Variants in CLIP1 observed in about 807,000 individuals in gnomAD.
CLIP1 encodes the protein CAP-Gly domain-containing linker protein 1.
CLIP1 carries 66 observed loss-of-function variants against 161.6 expected under a neutral mutation model. The ratio of observed to expected loss-of-function variants is 0.41; its 90% confidence interval spans 0.33 to 0.50. CLIP1 has a LOEUF of 0.50. CLIP1 is among the 20% of genes least tolerant of loss of function. The pLI, the probability that CLIP1 is intolerant of heterozygous loss-of-function variation, is 0.27. For synonymous variants in CLIP1, 598 were observed against 626.2 expected (o/e 0.96, Z 0.67); for missense variants, 1,376 against 1,702.0 (o/e 0.81, Z 3.37).
intron 7 of CLIP1, among the ~76,000 whole-genome samples, chr12:122,354,090 G>C (rs776735266): frequency 2.0e-5 from 3 of 151,936 alleles, no homozygotes; most frequent in Non-Finnish European, 4.4e-5. Context: ...ATTTTCTTCT[G>C]AGGTCATTGA....
At chr12:122,421,926 A>G (rs974405122) in intron 1 of CLIP1, among the ~76,000 whole-genome samples, 4 of 152,236 alleles carry the variant, frequency 2.6e-5, no homozygotes, top group African/African-American at 9.6e-5. Context: ...GAAACCCGAG[A>G]GCGATCTGGC....
At chr12:122,393,574 G>A (rs1955761564) in intron 1 of CLIP1, among the ~76,000 whole-genome samples, 1 of 152,176 alleles carries the variant, frequency 6.6e-6, no homozygotes, top group Non-Finnish European at 1.5e-5. Flanking sequence ...CATACACCTA[G>A]TGGACCCATA....
intron 15 of CLIP1, among the ~76,000 whole-genome samples, chr12:122,331,069 C>T (rs1384573645): frequency 6.6e-6 from 1 of 151,554 alleles, no homozygotes; most frequent in Non-Finnish European, 1.5e-5. Context: ...GGCTGGAGTG[C>T]AATGGCACTA....
At chr12:122,320,220 T>C (rs1951436141) in intron 17 of CLIP1, among the ~76,000 whole-genome samples, 1 of 150,630 alleles carries the variant, frequency 6.6e-6, no homozygotes, top group Admixed American at 6.6e-5. Flanking sequence ...TGAGCTGAGA[T>C]TGCGCCACTG....
At chr12:122,407,748 CAAAAAAAAAA>C (rs35500806) in intron 1 of CLIP1, among the ~76,000 whole-genome samples, 2 of 38,336 alleles carry the variant, frequency 5.2e-5, no homozygotes, top group African/African-American at 1.4e-4. Flanking sequence ...GACCCTGTCT[CAAAAAAAAAA>C]AAAAAAAAAA....
At chr12:122,345,667 G>C (rs1952713939) in intron 10 of CLIP1, among the ~76,000 whole-genome samples, 1 of 152,128 alleles carries the variant, frequency 6.6e-6, no homozygotes, top group Admixed American at 6.5e-5. Context: ...TTTGATTAGA[G>C]ACAGAGTAAT....
intron 4 of CLIP1, among the ~76,000 whole-genome samples, chr12:122,362,091 C>T (rs1315947079): frequency 1.3e-5 from 2 of 151,378 alleles, no homozygotes; most frequent in African/African-American, 2.4e-5. Flanking sequence ...GTAGCTGGGA[C>T]TACAGGCACA....
chr12:122,328,066 G>C lies in CLIP1; in HGVS notation c.3130C>G (p.Leu1044Val). The C allele has an allele frequency of 1.2e-6, 2 of 1,614,152 alleles. No individual in the cohort carries two copies. The highest frequency in any genetic ancestry group is 1.3e-5 in the African/African-American group (1 of 75,026). ...AGCAGCGTCTTCTGGAGGTTCTGTA[G>C]GATTTCTTCATGCTTGGTTTTTGTC... ...SETKTKHEEI[L>V]QNLQKTLLDT... The change falls in exon 17 of 26, where the codon CTA (leucine) becomes GTA (valine). Residue 1044 changes from leucine to valine, a missense_variant. Physicochemically the swap from Leu to Val is conservative, Grantham distance 32. Around this residue, in one of 6 missense-constraint regions of CLIP1, gnomAD observed 948 missense variants for 1,134.8 expected, o/e 0.84. Transcript: ENST00000620786.
intron 18 of CLIP1, among the ~76,000 whole-genome samples, chr12:122,317,195 T>G (rs746610526): frequency 5.3e-5 from 8 of 152,198 alleles, no homozygotes; most frequent in Non-Finnish European, 1.0e-4. Context: ...AGAAATAAAA[T>G]GCAAAGCAAT....
intron 1 of CLIP1, among the ~76,000 whole-genome samples, chr12:122,415,537 G>A (rs1277671170): frequency 6.6e-6 from 1 of 150,950 alleles, no homozygotes; most frequent in Non-Finnish European, 1.5e-5. Context: ...CATAGATTTT[G>A]GCTAGGCACA....
At position 122,364,003 on chromosome 12, in the gene CLIP1, A is replaced by G. The variant is rs1954005746; in HGVS notation, c.762T>C (p.Asp254=). 1.2e-6 allele frequency: 2 copies of G among 1,614,018 alleles called. No homozygotes were observed. The highest frequency in any genetic ancestry group is 1.3e-5 in the African/African-American group (1 of 74,904). The stretch of plus-strand genomic sequence containing the variant: ...CAAACCTTGTTCCAGCAACAGCGCC[A>G]TCATTCTTCCCAAGTGGCTCATCTA... ...VELDEPLGKN[D]GAVAGTRYFQ... Residue 254 remains aspartate, a synonymous_variant, in exon 4 of 26, where the codon GAT becomes GAC. Coordinates refer to ENST00000620786, the MANE Select transcript of CLIP1 (RefSeq NM_001247997.2).
intron 20 of CLIP1, among the ~76,000 whole-genome samples, chr12:122,299,860 G>A (rs1443882511): frequency 2.0e-5 from 3 of 152,048 alleles, no homozygotes; most frequent in Non-Finnish European, 4.4e-5. Context: ...AGCTTGCAGT[G>A]AGCTGAGATC....
intron 10 of CLIP1, among the ~76,000 whole-genome samples, chr12:122,347,046 GC>G (rs1952785005): frequency 6.6e-6 from 1 of 152,200 alleles, no homozygotes; most frequent in South Asian, 2.1e-4. Flanking sequence ...ACAATTGACT[GC>G]TTGTGGCCAA....
chr12:122,356,745 CT>C (rs1953394317), intron 5 of CLIP1, among the ~76,000 whole-genome samples: 2 of 29,406 alleles, frequency 6.8e-5, no homozygotes, highest in Non-Finnish European at 2.2e-4. Context: ...CTGCCTGATT[CT>C]CCTGCCTCAG....
At chr12:122,320,171 G>T (rs1296994271) in intron 17 of CLIP1, among the ~76,000 whole-genome samples, 1 of 151,768 alleles carries the variant, frequency 6.6e-6, no homozygotes, top group African/African-American at 2.4e-5. Flanking sequence ...GGGAGGTGGG[G>T]CAGGAGAATG....
chr12:122,277,933 G>C (rs1049170318), intron 24 of CLIP1: 16 of 522,970 alleles, frequency 3.1e-5, no homozygotes, highest in Non-Finnish European at 1.0e-5. Flanking sequence ...GTAATTAACT[G>C]TTTGCAGGGT....
intron 14 of CLIP1, 34 bp from the exon 15 acceptor site, chr12:122,333,177 T>C: frequency 1.3e-6 from 2 of 1,532,902 alleles, no homozygotes; most frequent in Non-Finnish European, 1.8e-6. Context: ...ATAGCACGGC[T>C]GTGTTATATC....
chr12:122,278,760 G>A (rs1955532699), intron 23 of CLIP1, 32 bp downstream of exon 23: 2 of 1,553,756 alleles, frequency 1.3e-6, no homozygotes, highest in East Asian at 2.3e-5. Flanking sequence ...GACGCGGGGT[G>A]TACAGAGAAG....
At chr12:122,394,480 C>T (rs1955816218) in intron 1 of CLIP1, among the ~76,000 whole-genome samples, 1 of 99,908 alleles carries the variant, frequency 1.0e-5, no homozygotes, top group African/African-American at 4.2e-5. Context: ...CACAGTGAGA[C>T]GCTGTCTCAA....
Sources: allele counts gnomAD v4.1 joint callset (sites outside exome capture counted in the v4.1 genomes callset), GRCh38; gene constraint gnomAD v4.1.1; regional missense constraint gnomAD v4.1.1; transcripts MANE v1.5; gene names NCBI Gene and HGNC (gene_info 2026-07-23, HGNC 2026-07-21).